H2BC5: variants seen among roughly 807,000 people sequenced by gnomAD.
H2BC5 encodes histone H2B type 1-D.
A neutral mutation model predicts 5.7 loss-of-function variants in H2BC5; 9 were observed. That is an observed-to-expected ratio of 1.57 (90% CI 0.95 to 2.74). H2BC5 has a LOEUF of 2.74. Ranked by LOEUF, H2BC5 falls within the 30% of genes most tolerant of loss-of-function variation. H2BC5 has a pLI of 0.00. For synonymous variants in H2BC5, 133 were observed against 70.9 expected (o/e 1.88, Z -4.40); for missense variants, 175 against 168.8 (o/e 1.04, Z -0.20).
At chr6:26,159,678 T>G (rs1285867045), downstream of H2BC5, among the ~76,000 whole-genome samples, 1 of 151,974 alleles carries the variant, frequency 6.6e-6, no homozygotes, top group Non-Finnish European at 1.5e-5. Context: ...AGAGGGAGAA[T>G]TTAAGTGATG....
At chr6:26,169,147 C>T (rs1406799354) in intron 1 of H2BC5, among the ~76,000 whole-genome samples, 4 of 151,946 alleles carry the variant, frequency 2.6e-5, no homozygotes, top group Non-Finnish European at 5.9e-5. Context: ...AAAAAATGTT[C>T]CAAGTGTAAG....
At chr6:26,167,033 CT>C (rs1183722229) in intron 1 of H2BC5, among the ~76,000 whole-genome samples, 2 of 109,998 alleles carry the variant, frequency 1.8e-5, no homozygotes, top group Non-Finnish European at 3.9e-5. Context: ...TCTTTTCTTT[CT>C]TTTTTTTGTT....
intron 1 of H2BC5, among the ~76,000 whole-genome samples, chr6:26,164,712 G>T (rs986619006): frequency 6.6e-6 from 1 of 151,770 alleles, no homozygotes; most frequent in Non-Finnish European, 1.5e-5. Context: ...ACATCTTCCT[G>T]CTCCCCTTCC....
At chr6:26,158,946 T>C (rs1400822457), downstream of H2BC5, among the ~76,000 whole-genome samples, 1 of 152,182 alleles carries the variant, frequency 6.6e-6, no homozygotes, top group East Asian at 1.9e-4. Context: ...GACAACTTCC[T>C]TATGTTTGGA....
At chr6:26,161,333 A>G (rs1021917092), downstream of H2BC5, 8 of 152,372 alleles carry the variant, frequency 5.3e-5, no homozygotes, top group Admixed American at 4.6e-4. Context: ...ATGTAATTAT[A>G]AGACAAATTG....
Position 26,166,692 on chromosome 6 carries a change from CTTTTTT to C in H2BC5, c.*10-4263_*10-4258del, listed in dbSNP as rs139697089. 4.7e-3 allele frequency among the ~76,000 whole-genome samples: 427 copies of C among 90,170 alleles called. 3 individuals carry two copies. The highest frequency in any genetic ancestry group is 0.017 in the East Asian group (53 of 3,202). 59.2% of individuals were successfully genotyped at this position (90,170 alleles called of 152,430 possible). On this transcript the variant is annotated intron_variant, in intron 1 of 1. Coordinates refer to the H2BC5 transcript ENST00000289316. ...CACGAGCAGAGGGGGATACTTTTGGCTTTTTTTTTTTTTTTTTTTTTTTTTGACACG... is the reference window on the plus strand; with the variant it reads ...CACGAGCAGAGGGGGATACTTTTGGCTTTTTTTTTTTTTTTTTTTGACACG...
downstream of H2BC5, among the ~76,000 whole-genome samples, chr6:26,160,583 T>A (rs1027881309): frequency 2.0e-5 from 3 of 149,524 alleles, no homozygotes; most frequent in Non-Finnish European, 4.4e-5. Context: ...AGATACAGAC[T>A]TGAGGCCAGG....
chr6:26,159,777 T>C (rs967495657), downstream of H2BC5, among the ~76,000 whole-genome samples: 1 of 152,214 alleles, frequency 6.6e-6, no homozygotes, highest in Non-Finnish European at 1.5e-5. Context: ...GATTATGGGA[T>C]ACATTTTCCA....
chr6:26,163,859 C>A (rs1764383848), intron 1 of H2BC5, among the ~76,000 whole-genome samples: 3 of 152,086 alleles, frequency 2.0e-5, no homozygotes, highest in African/African-American at 7.2e-5. Flanking sequence ...GCTTACTGCA[C>A]CTTGGAACTC....
At position 26,158,449 on chromosome 6, in the gene H2BC5, G is replaced by A. The variant is rs1177142438; in HGVS notation, c.280G>A (p.Glu94Lys). 2 of 1,614,152 alleles carry A rather than the reference G, an allele frequency of 1.2e-6. No individual in the cohort carries two copies. Among genetic ancestry groups the A allele is most frequent in the Non-Finnish European group, 8.5e-7 (1 of 1,180,052 alleles). Residue 94 changes from glutamate to lysine, a missense_variant, in exon 1 of 1, where the codon GAG becomes AAG. Around this residue, in one of 4 missense-constraint regions of H2BC5, gnomAD observed 43 missense variants for 37.7 expected, o/e 1.14. Transcript: ENST00000377777. ...YNKRSTITSR[E>K]IQTAVRLLLP... ...CAAGCGCTCGACCATCACCTCCAGG[G>A]AGATCCAGACGGCCGTGCGCCTGCT...
Position 26,158,548 on chromosome 6 carries a change from T to C in H2BC5, c.379T>C (p.Ter127GlnextTer?). The change falls in exon 1 of 1, where the codon TAA (stop) becomes CAA (glutamine). Residue 127 changes from the stop codon to glutamine, a stop_lost. Coordinates refer to ENST00000377777, the MANE Select transcript of H2BC5 (RefSeq NM_021063.4). ...KAVTKYTSSK[*>Q] ...CGTCACCAAGTACACCAGTTCCAAGTAACTTTGCCAAGTAAGCATCTTTAC... is the reference window on the plus strand; with the variant it reads ...CGTCACCAAGTACACCAGTTCCAAGCAACTTTGCCAAGTAAGCATCTTTAC... 6.2e-7 allele frequency: 1 copy of C among 1,614,138 alleles called. No individual in the cohort carries two copies. The highest frequency in any genetic ancestry group is 1.6e-4 in the Middle Eastern group (1 of 6,062).
At chr6:26,165,877 A>T (rs556407974) in intron 1 of H2BC5, among the ~76,000 whole-genome samples, 20 of 152,338 alleles carry the variant, frequency 1.3e-4, no homozygotes, top group Admixed American at 7.2e-4. Flanking sequence ...CTGTGGCAGG[A>T]AAATAGATGT....
intron 1 of H2BC5, among the ~76,000 whole-genome samples, chr6:26,169,999 AAAAC>A (rs1333885889): frequency 2.0e-5 from 3 of 152,176 alleles, no homozygotes; most frequent in Non-Finnish European, 4.4e-5. Context: ...AGATAGAGAA[AAAAC>A]AAAAAGGGGA....
intron 1 of H2BC5, among the ~76,000 whole-genome samples, chr6:26,164,622 A>G (rs796837890): frequency 1.3e-5 from 2 of 151,412 alleles, no homozygotes; most frequent in East Asian, 1.9e-4. Context: ...ATAATTTTAA[A>G]TTATTGATAG....
chr6:26,169,137 A>G (rs1323610063), intron 1 of H2BC5, among the ~76,000 whole-genome samples: 1 of 152,230 alleles, frequency 6.6e-6, no homozygotes, highest in Non-Finnish European at 1.5e-5. Flanking sequence ...GGTAATAGTA[A>G]AAAAATGTTC....
At chr6:26,170,793 T>C (rs1764504587) in intron 1 of H2BC5, among the ~76,000 whole-genome samples, 1 of 152,212 alleles carries the variant, frequency 6.6e-6, no homozygotes, top group Admixed American at 6.5e-5. Context: ...TCAGTGATAT[T>C]TCTTGACTAA....
Position 26,158,440 on chromosome 6 carries a change from A to G in H2BC5, c.271A>G (p.Thr91Ala). 1 of 1,614,076 alleles carries G rather than the reference A, an allele frequency of 6.2e-7. No homozygotes were observed. Among genetic ancestry groups the G allele is most frequent in the Non-Finnish European group, 8.5e-7 (1 of 1,179,998 alleles). ...LAHYNKRSTI[T>A]SREIQTAVRL... The stretch of plus-strand genomic sequence containing the variant: ...GCATTACAACAAGCGCTCGACCATC[A>G]CCTCCAGGGAGATCCAGACGGCCGT... The change falls in exon 1 of 1, where the codon ACC (threonine) becomes GCC (alanine). Residue 91 changes from threonine (T) to alanine (A), a missense_variant. Thr to Ala is a moderately conservative substitution (Grantham distance 58). Around this residue, in one of 4 missense-constraint regions of H2BC5, gnomAD observed 43 missense variants for 37.7 expected, o/e 1.14. Transcript: ENST00000377777.
intron 1 of H2BC5, among the ~76,000 whole-genome samples, chr6:26,165,830 T>A (rs558130920): frequency 6.6e-6 from 1 of 151,978 alleles, no homozygotes; most frequent in East Asian, 1.9e-4. Flanking sequence ...GAAAAGGAGG[T>A]GGGGGCCAGG....
intron 1 of H2BC5, among the ~76,000 whole-genome samples, chr6:26,169,517 G>C (rs908903132): frequency 1.3e-5 from 2 of 151,956 alleles, no homozygotes; most frequent in Non-Finnish European, 2.9e-5. Flanking sequence ...ATAAAATATT[G>C]TTTTAAAATT....
Sources: allele counts gnomAD v4.1 joint callset (sites outside exome capture counted in the v4.1 genomes callset), GRCh38; gene constraint gnomAD v4.1.1; regional missense constraint gnomAD v4.1.1; transcripts MANE v1.5; gene names NCBI Gene and HGNC (gene_info 2026-07-23, HGNC 2026-07-21).